Variants in ELMO1 observed in about 807,000 individuals in gnomAD.
ELMO1 encodes engulfment and cell motility 1.
In ELMO1, 26 loss-of-function variants were observed where a neutral mutation model predicts 98.9. The observed-to-expected ratio is 0.26, with a 90% CI of 0.19 to 0.36. The LOEUF is 0.36. Among genes scored for constraint, ELMO1 ranks in the 10% least tolerant of loss-of-function variants. The pLI is 1.00. For missense variants in ELMO1, 627 were observed against 935.2 expected (o/e 0.67, Z 4.30); for synonymous variants, 346 against 346.0 (o/e 1.00, Z 0.00).
At chr7:37,206,445 C>A (rs1345465215) in intron 13 of ELMO1, among the ~76,000 whole-genome samples, 1 of 152,166 alleles carries the variant, frequency 6.6e-6, no homozygotes, top group Non-Finnish European at 1.5e-5. Flanking sequence ...AGCATTTAGA[C>A]AAAGACGCTT....
chr7:37,260,978 A>G (rs1374407591), intron 5 of ELMO1, among the ~76,000 whole-genome samples: 2 of 152,242 alleles, frequency 1.3e-5, no homozygotes, highest in Admixed American at 6.5e-5. Flanking sequence ...CAAGCAAATC[A>G]TTTCAAATTC....
At chr7:37,197,701 C>T (rs1457740797) in intron 13 of ELMO1, among the ~76,000 whole-genome samples, 1 of 152,208 alleles carries the variant, frequency 6.6e-6, no homozygotes, top group Non-Finnish European at 1.5e-5. Flanking sequence ...CATTCCTTCC[C>T]TCTCTTGCCT....
chr7:36,932,752 GC>G, intron 16 of ELMO1, among the ~76,000 whole-genome samples: 1 of 152,306 alleles, frequency 6.6e-6, no homozygotes, highest in East Asian at 1.9e-4. Flanking sequence ...TTTCCAAGAT[GC>G]GGGCTCCTTG....
intron 15 of ELMO1, among the ~76,000 whole-genome samples, chr7:37,091,358 C>T (rs964921139): frequency 2.0e-5 from 3 of 152,162 alleles, no homozygotes; most frequent in African/African-American, 4.8e-5. Context: ...CCACCCGCCT[C>T]GGCCGCTGAA....
chr7:37,068,675 C>T (rs1797111631), intron 15 of ELMO1, among the ~76,000 whole-genome samples: 1 of 152,124 alleles, frequency 6.6e-6, no homozygotes, highest in Non-Finnish European at 1.5e-5. Context: ...ACAGTTGGTT[C>T]ATTACCCAAT....
At chr7:37,207,005 A>G (rs1029952690) in intron 13 of ELMO1, among the ~76,000 whole-genome samples, 2 of 152,250 alleles carry the variant, frequency 1.3e-5, no homozygotes, top group African/African-American at 4.8e-5. Flanking sequence ...GAACAAGGAA[A>G]AATTCACAAA....
chr7:37,285,668 A>C (rs552992098), intron 4 of ELMO1, among the ~76,000 whole-genome samples: 1 of 152,308 alleles, frequency 6.6e-6, no homozygotes, highest in South Asian at 2.1e-4. Flanking sequence ...ATCACTTGCA[A>C]CCTGCAAAAG....
chr7:37,394,262 C>A (rs1054783071), intron 1 of ELMO1, among the ~76,000 whole-genome samples: 1 of 152,114 alleles, frequency 6.6e-6, no homozygotes, highest in Non-Finnish European at 1.5e-5. Context: ...AGCAGTCCAG[C>A]ACCAAGGAGC....
intron 16 of ELMO1, among the ~76,000 whole-genome samples, chr7:37,006,758 T>C (rs939766636): frequency 1.3e-5 from 2 of 152,206 alleles, no homozygotes; most frequent in Non-Finnish European, 2.9e-5. Flanking sequence ...AGGAGAAATA[T>C]TGCTCTGTAC....
At chr7:36,856,879 C>T (rs987139871) in intron 21 of ELMO1, among the ~76,000 whole-genome samples, 5 of 152,218 alleles carry the variant, frequency 3.3e-5, no homozygotes, top group African/African-American at 1.2e-4. Flanking sequence ...AGATTCCCAA[C>T]TTTTCTGCCT....
chr7:37,362,865 G>A (rs1302278847), intron 1 of ELMO1, among the ~76,000 whole-genome samples: 1 of 152,164 alleles, frequency 6.6e-6, no homozygotes. Flanking sequence ...CCATACATAT[G>A]ACTCTTGTGG....
chr7:37,119,777 G>A (rs1022273342), intron 14 of ELMO1, among the ~76,000 whole-genome samples: 2 of 152,074 alleles, frequency 1.3e-5, no homozygotes, highest in Admixed American at 1.3e-4. Flanking sequence ...AAAACATTGT[G>A]ATTAATCTTA....
chr7:37,166,129 G>C (rs1789669718), intron 13 of ELMO1, among the ~76,000 whole-genome samples: 1 of 152,208 alleles, frequency 6.6e-6, no homozygotes, highest in African/African-American at 2.4e-5. Flanking sequence ...TCTGCATAGA[G>C]GTGTTTGTAG....
chr7:37,340,644 T>C (rs1488392410), intron 2 of ELMO1, among the ~76,000 whole-genome samples: 1 of 152,178 alleles, frequency 6.6e-6, no homozygotes, highest in Non-Finnish European at 1.5e-5. Context: ...GATATTAACA[T>C]AAGGGGAAAC....
At chr7:36,875,795 C>G (rs1803911366) in intron 19 of ELMO1, among the ~76,000 whole-genome samples, 1 of 152,126 alleles carries the variant, frequency 6.6e-6, no homozygotes, top group Admixed American at 6.5e-5. Context: ...CCAGGAACTG[C>G]CCCTACACAA....
intron 1 of ELMO1, among the ~76,000 whole-genome samples, chr7:37,409,132 G>GGGA (rs1554307968): frequency 7.2e-6 from 1 of 138,432 alleles, no homozygotes; most frequent in Non-Finnish European, 1.5e-5. Context: ...TTTTGCAAGT[G>GGGA]AAAAAAAAAA....
intron 15 of ELMO1, among the ~76,000 whole-genome samples, chr7:37,031,519 C>A (rs150800927): frequency 3.3e-5 from 5 of 152,308 alleles, no homozygotes; most frequent in African/African-American, 1.2e-4. Context: ...GCAGGTCTTT[C>A]AGAATCCAGA....
intron 20 of ELMO1, among the ~76,000 whole-genome samples, chr7:36,866,747 C>G (rs911286073): frequency 6.6e-6 from 1 of 152,188 alleles, no homozygotes; most frequent in Non-Finnish European, 1.5e-5. Context: ...AAAGAGCCAG[C>G]AATTTGCCTT....
intron 16 of ELMO1, among the ~76,000 whole-genome samples, chr7:36,925,788 A>C (rs1356197563): frequency 6.6e-6 from 1 of 152,182 alleles, no homozygotes; most frequent in Non-Finnish European, 1.5e-5. Flanking sequence ...ACCTACTCGT[A>C]ATTTTCTTCC....
Sources: gnomAD v4.1 joint callset for allele counts (sites outside exome capture counted in the v4.1 genomes callset) on GRCh38, gnomAD v4.1.1 for gene constraint, MANE v1.5 for transcripts, NCBI Gene and HGNC (gene_info 2026-07-23, HGNC 2026-07-21) for gene names.